The following IDNK variants were observed in gnomAD, a reference collection of about 807,000 sequenced individuals.
IDNK encodes the protein IDNK gluconokinase, also known as gluconokinase.
IDNK carries 9 observed loss-of-function variants against 13.0 expected under a neutral mutation model. The observed-to-expected ratio is 0.69, with a 90% CI of 0.42 to 1.21. The LOEUF (loss-of-function observed/expected upper bound fraction) is 1.21, where lower values mean the gene tolerates loss of function less well. Among genes scored for constraint, IDNK ranks in the 50% most tolerant of loss-of-function variants. IDNK has a pLI of 0.00. For missense variants in IDNK, 210 were observed against 237.8 expected (o/e 0.88, Z 0.77); for synonymous variants, 92 against 94.9 (o/e 0.97, Z 0.18).
intron 3 of IDNK, among the ~76,000 whole-genome samples, chr9:83,637,404 T>C (rs899129217): frequency 3.3e-5 from 5 of 152,230 alleles, no homozygotes; most frequent in African/African-American, 1.2e-4. Flanking sequence ...TAGAGGGTTT[T>C]TGACTTGCTG....
intron 3 of IDNK, 111 bp downstream of exon 3, chr9:83,629,070 G>A: frequency 1.2e-6 from 1 of 839,816 alleles, no homozygotes; most frequent in Non-Finnish European, 2.0e-6. Flanking sequence ...ACTGTACAGG[G>A]GCTACAAAGA....
upstream of IDNK, chr9:83,623,111 C>A: frequency 7.4e-7 from 1 of 1,353,476 alleles, no homozygotes; most frequent in African/African-American, 1.6e-5. Flanking sequence ...GCCCCTCGAG[C>A]GCCGGGTAGG....
chr9:83,631,147 T>C (rs74350486), intron 3 of IDNK, among the ~76,000 whole-genome samples: 6,043 of 145,302 alleles, frequency 0.042, 353 homozygotes, highest in African/African-American at 0.14. Flanking sequence ...ACTGCCCCCA[T>C]GCTACAGAGC....
In IDNK at chr9:83,628,867, T is replaced by A; in HGVS notation, c.82-6T>A. The stretch of plus-strand genomic sequence containing the variant: ...CCACATACACCCTTTCACTTTGTTC[T>A]TAAAGCTGGGATGGAAATTCTATGA... On this transcript the variant is annotated splice_polypyrimidine_tract_variant and splice_region_variant and intron_variant, in intron 2 of 4. Transcript: ENST00000376419. 5.6e-6 allele frequency: 9 copies of A among 1,612,094 alleles called. No homozygotes were observed. Among genetic ancestry groups the A allele is most frequent in the Non-Finnish European group, 7.6e-6 (9 of 1,178,162 alleles).
intron 3 of IDNK, among the ~76,000 whole-genome samples, chr9:83,638,919 A>C (rs1156595476): frequency 2.0e-5 from 3 of 152,212 alleles, no homozygotes; most frequent in Non-Finnish European, 2.9e-5. Flanking sequence ...AAGTAGACAA[A>C]AGAAATTATT....
At position 83,623,517 on chromosome 9, in the gene IDNK, C is replaced by T. The variant is rs138804746; in HGVS notation, c.50+296C>T. On this transcript the variant is annotated intron_variant, in intron 1 of 4. Coordinates refer to ENST00000376419, the MANE Select transcript of IDNK (RefSeq NM_001001551.4). ...GCTCCTGAACAGGCGGCTGCGGGGC[C>T]GCGCAGGTGGAGGCCTAGCGAGCGG... 1,474 of 375,674 alleles carry T rather than the reference C, an allele frequency of 3.9e-3. 26 individuals carry two copies. The highest frequency in any genetic ancestry group is 0.03 in the African/African-American group (1,367 of 45,766). The allele number at this position is 375,674 out of a possible 1,614,324, so 23.3% of individuals were successfully genotyped here.
intron 3 of IDNK, among the ~76,000 whole-genome samples, chr9:83,640,196 G>T (rs1831265917): frequency 1.3e-5 from 2 of 152,130 alleles, no homozygotes; most frequent in African/African-American, 2.4e-5. Context: ...CTCAAAAAAG[G>T]CCCCAGGCCC....
intron 3 of IDNK, among the ~76,000 whole-genome samples, chr9:83,640,175 A>G (rs1831265285): frequency 6.6e-6 from 1 of 152,220 alleles, no homozygotes; most frequent in African/African-American, 2.4e-5. Flanking sequence ...ATCTGTAATG[A>G]AAGATCTCCC....
chr9:83,625,332 T>C (rs1445090236), intron 1 of IDNK, among the ~76,000 whole-genome samples: 1 of 152,200 alleles, frequency 6.6e-6, no homozygotes, highest in Non-Finnish European at 1.5e-5. Context: ...ATATGGTGAC[T>C]TGGACGAGCC....
intron 1 of IDNK, chr9:83,627,868 AAAAAAAAAAAT>A (rs1413088805): frequency 2.0e-4 from 60 of 297,802 alleles, no homozygotes; most frequent in South Asian, 3.6e-4. Context: ...AAAAAAAAAA[AAAAAAAAAAAT>A]TACACAACAG....
intron 1 of IDNK, among the ~76,000 whole-genome samples, chr9:83,623,700 A>G (rs577582029): frequency 1.1e-4 from 16 of 152,324 alleles, no homozygotes; most frequent in Admixed American, 4.6e-4. Context: ...CTCCGATTCA[A>G]TTTTGGAAAG....
chr9:83,639,219 G>A (rs1461194803), intron 3 of IDNK, among the ~76,000 whole-genome samples: 1 of 152,094 alleles, frequency 6.6e-6, no homozygotes, highest in Non-Finnish European at 1.5e-5. Context: ...AATAATTTAT[G>A]TTAAAAGTCA....
At chr9:83,623,128 C>A, upstream of IDNK, 1 of 1,398,516 alleles carries the variant, frequency 7.2e-7, no homozygotes, top group Non-Finnish European at 9.2e-7. Context: ...TAGGCCGGGG[C>A]CGGCGGGGCC....
intron 3 of IDNK, among the ~76,000 whole-genome samples, chr9:83,636,520 T>G (rs1487772045): frequency 6.6e-6 from 1 of 152,202 alleles, no homozygotes; most frequent in African/African-American, 2.4e-5. Flanking sequence ...CTTCACAGAG[T>G]GTCCAGAACA....
At chr9:83,623,269 G>A in intron 1 of IDNK, 48 bp downstream of exon 1, 1 of 1,360,406 alleles carries the variant, frequency 7.4e-7, no homozygotes, top group Non-Finnish European at 9.5e-7. Flanking sequence ...TGTTGCGGGC[G>A]CGGCGGAGGC....
Position 83,628,924 on chromosome 9 carries a change from AG to A in IDNK, c.135del (p.Lys46ArgfsTer25). The part of the protein sequence containing the change: ...ADDYHPEENR[R>X]KMGKGIPLND... Reference sequence around the variant, plus strand: ...TGATTATCACCCGGAGGAAAATCGAAGGAAGATGGGAAAAGGCATACCGCTC... The same window carrying A: ...TGATTATCACCCGGAGGAAAATCGAAGAAGATGGGAAAAGGCATACCGCTC... On this transcript the variant is annotated frameshift_variant, in exon 3 of 5. Coordinates refer to ENST00000376419, the MANE Select transcript of IDNK (RefSeq NM_001001551.4). LOFTEE classifies it high-confidence loss of function. 6.2e-7 allele frequency: 1 copy of A among 1,614,130 alleles called. No individual in the cohort carries two copies.
chr9:83,643,411 T>G lies in IDNK; in HGVS notation c.213-18T>G. On this transcript the variant is annotated intron_variant, in intron 4 of 4. Transcript: ENST00000376419. The stretch of plus-strand genomic sequence containing the variant: ...TCCTTCTTTAGCCTCCCTCTTTTTT[T>G]TTTCTTTTTCTAAACAGAGATGTAG... The G allele has an allele frequency of 6.4e-7, 1 of 1,562,516 alleles. No individual in the cohort carries two copies. The highest frequency in any genetic ancestry group is 8.7e-7 in the Non-Finnish European group (1 of 1,154,496).
chr9:83,643,831 C>T lies in IDNK; in HGVS notation c.*51C>T. ...ACAGAACTAAGCATAAATCATTGTG[C>T]CATCCCAAACCTCGTTCCAGCCGCC... On this transcript the variant is annotated 3_prime_UTR_variant, in exon 5 of 5. Coordinates refer to ENST00000376419, the MANE Select transcript of IDNK (RefSeq NM_001001551.4). 7.3e-7 allele frequency: 1 copy of T among 1,360,606 alleles called. No individual in the cohort carries two copies. The allele number at this position is 1,360,606 out of a possible 1,614,324, so 84.3% of individuals were successfully genotyped here.
chr9:83,627,845 C>A (rs1439637412), intron 1 of IDNK, among the ~76,000 whole-genome samples: 2 of 104,664 alleles, frequency 1.9e-5, no homozygotes, highest in African/African-American at 8.0e-5. Flanking sequence ...AATTCAACAT[C>A]CCCACCACAA....
Sources: allele counts gnomAD v4.1 joint callset (sites outside exome capture counted in the v4.1 genomes callset), GRCh38; gene constraint gnomAD v4.1.1; transcripts MANE v1.5; gene names NCBI Gene and HGNC (gene_info 2026-07-23, HGNC 2026-07-21).